The following JMJD1C variants were observed in gnomAD, a reference collection of about 807,000 sequenced individuals.
JMJD1C encodes jumonji domain-containing protein 1C.
JMJD1C carries 31 observed loss-of-function variants against 245.3 expected under a neutral mutation model. The ratio of observed to expected loss-of-function variants is 0.13; its 90% CI spans 0.09 to 0.17. JMJD1C has a LOEUF of 0.17. Ranked by LOEUF, JMJD1C falls within the 10% of genes least tolerant of loss-of-function variation. The probability of loss-of-function intolerance (pLI) is 1.00; values close to 1 mark genes in which losing one functional copy is unlikely to be tolerated. For missense variants in JMJD1C, 2,691 were observed against 3,000.2 expected, an observed-to-expected ratio of 0.90 and a Z score of 2.41; for synonymous variants, 1,057 against 1,017.4, an observed-to-expected ratio of 1.04 and a Z score of -0.74.
chr10:63,357,591 C>T (rs1056703433), intron 2 of JMJD1C, among the ~76,000 whole-genome samples: 6 of 152,092 alleles, frequency 3.9e-5, no homozygotes, highest in Admixed American at 3.3e-4. Context: ...CAGGTATGAG[C>T]CACCAAGCCC....
intron 2 of JMJD1C, among the ~76,000 whole-genome samples, chr10:63,358,377 A>G (rs1334526267): frequency 6.6e-6 from 1 of 150,532 alleles, no homozygotes; most frequent in African/African-American, 2.4e-5. Flanking sequence ...GAAATATGAC[A>G]TAACAATTTA....
At chr10:63,188,924 T>C (rs10733789) in intron 18 of JMJD1C, among the ~76,000 whole-genome samples, 41,460 of 152,102 alleles carry the variant, frequency 0.27, 5,898 homozygotes, top group Non-Finnish European at 0.32. Context: ...TCTGTTCTGA[T>C]AGATCAAAAA....
At chr10:63,211,421 G>GT (rs1354769956) in intron 8 of JMJD1C, among the ~76,000 whole-genome samples, 2 of 145,164 alleles carry the variant, frequency 1.4e-5, no homozygotes, top group Non-Finnish European at 3.0e-5. Context: ...AGCCAAGACT[G>GT]TATCACTGTA....
intron 2 of JMJD1C, among the ~76,000 whole-genome samples, chr10:63,348,458 G>A (rs1944044875): frequency 6.6e-6 from 1 of 152,116 alleles, no homozygotes; most frequent in African/African-American, 2.4e-5. Context: ...AGTTTACTTG[G>A]TTAAATATAA....
At chr10:63,456,093 A>G (rs1428441285) in intron 1 of JMJD1C, among the ~76,000 whole-genome samples, 6 of 152,106 alleles carry the variant, frequency 3.9e-5, no homozygotes, top group Non-Finnish European at 7.4e-5. Flanking sequence ...CATATAGTCT[A>G]TATTCATATT....
intron 3 of JMJD1C, among the ~76,000 whole-genome samples, chr10:63,255,682 C>CAA (rs144505795): frequency 0.022 from 3,277 of 152,246 alleles, 113 homozygotes; most frequent in African/African-American, 0.073. Context: ...TTAGACTTCT[C>CAA]AAACAGTTGT....
chr10:63,482,955 TA>T (rs1953875355), intron 1 of JMJD1C, among the ~76,000 whole-genome samples: 1 of 152,216 alleles, frequency 6.6e-6, no homozygotes, highest in African/African-American at 2.4e-5. Flanking sequence ...TTTGAAAAAT[TA>T]AATCTGTAAT....
At chr10:63,362,622 G>T (rs1445591603) in intron 2 of JMJD1C, among the ~76,000 whole-genome samples, 5 of 152,000 alleles carry the variant, frequency 3.3e-5, no homozygotes, top group Non-Finnish European at 7.4e-5. Flanking sequence ...TGGGACTACA[G>T]GTGGGCACCA....
chr10:63,393,111 A>G (rs1487969601), intron 1 of JMJD1C, among the ~76,000 whole-genome samples: 1 of 152,096 alleles, frequency 6.6e-6, no homozygotes, highest in Non-Finnish European at 1.5e-5. Context: ...TACAAAAAAT[A>G]CAAAAAATTA....
intron 2 of JMJD1C, among the ~76,000 whole-genome samples, chr10:63,341,990 A>G (rs891087434): frequency 6.6e-6 from 1 of 152,242 alleles, no homozygotes; most frequent in African/African-American, 2.4e-5. Flanking sequence ...GTGACTTGTA[A>G]CTATATTCAG....
intron 1 of JMJD1C, among the ~76,000 whole-genome samples, chr10:63,481,349 AT>A (rs1953822575): frequency 6.6e-6 from 1 of 152,222 alleles, no homozygotes; most frequent in African/African-American, 2.4e-5. Flanking sequence ...GTACAAACAC[AT>A]TTATTGCAGA....
At chr10:63,291,333 A>AAC (rs1554875310) in intron 2 of JMJD1C, among the ~76,000 whole-genome samples, 78 of 92,214 alleles carry the variant, frequency 8.5e-4, no homozygotes, top group Admixed American at 1.7e-3. Flanking sequence ...AAAAAAAAAA[A>AAC]GGGCTGGGCG....
rs373516323 is a variant in JMJD1C, at chr10:63,296,013, A to T, written c.334-31249T>A. On this transcript the variant is annotated intron_variant, in intron 2 of 25. Coordinates refer to ENST00000399262, the MANE Select transcript of JMJD1C (RefSeq NM_032776.3). ...TGTGTGTGTGTGTGTGTATATATAT[A>T]TTTTTTTTTTTTTCTTAGATGGAGT... Among the ~76,000 whole-genome samples the T allele has an allele frequency of 4.9e-3, 413 of 84,170 alleles. 22 individuals carry two copies. The highest frequency in any genetic ancestry group is 0.027 in the Middle Eastern group (4 of 146). 55.2% of individuals were successfully genotyped at this position (84,170 alleles called of 152,430 possible).
intron 1 of JMJD1C, among the ~76,000 whole-genome samples, chr10:63,493,232 G>GAACAA (rs1371346612): frequency 7.2e-6 from 1 of 139,430 alleles, no homozygotes; most frequent in African/African-American, 2.6e-5. Flanking sequence ...AAGTAGATGG[G>GAACAA]AACAAAACTG....
At chr10:63,276,204 T>C (rs555446773) in intron 2 of JMJD1C, among the ~76,000 whole-genome samples, 537 of 152,192 alleles carry the variant, frequency 3.5e-3, no homozygotes, top group Middle Eastern at 6.8e-3. Context: ...CGGTGGCTCA[T>C]ACCTGTAATC....
rs947441634 is a variant in JMJD1C, at chr10:63,341,540, C to G, written c.333+38778G>C. ...TGTTTTCGAGGAGTGAATTTCTTACCAGCCCATATTAAGCTAATGAAAAGG... is the reference window on the plus strand; with the variant it reads ...TGTTTTCGAGGAGTGAATTTCTTACGAGCCCATATTAAGCTAATGAAAAGG... On this transcript the variant is annotated intron_variant, in intron 2 of 25. Transcript: ENST00000399262. Among the ~76,000 whole-genome samples, 4 of 152,172 alleles carry G rather than the reference C, an allele frequency of 2.6e-5. No individual in the cohort carries two copies. The East Asian group carries it at 7.7e-4, about 29-fold the overall frequency.
At chr10:63,215,765 C>G (rs1021644532) in intron 5 of JMJD1C, 69 bp from the exon 6 acceptor site, 1 of 1,089,614 alleles carries the variant, frequency 9.2e-7, no homozygotes, top group Non-Finnish European at 1.3e-6. Flanking sequence ...GGTATAATTT[C>G]TTTACTCAGT....
At chr10:63,436,135 A>G (rs1951047306) in intron 1 of JMJD1C, among the ~76,000 whole-genome samples, 1 of 152,238 alleles carries the variant, frequency 6.6e-6, no homozygotes, top group Admixed American at 6.5e-5. Flanking sequence ...TTGAGAGATT[A>G]TATGAGGAGG....
chr10:63,229,509 C>A (rs1427179961), intron 3 of JMJD1C, among the ~76,000 whole-genome samples: 1 of 151,990 alleles, frequency 6.6e-6, no homozygotes, highest in Non-Finnish European at 1.5e-5. Context: ...TTCATACAAT[C>A]AAGAAGATAA....
Sources: gnomAD v4.1 joint callset for allele counts (sites outside exome capture counted in the v4.1 genomes callset) on GRCh38, gnomAD v4.1.1 for gene constraint, MANE v1.5 for transcripts, NCBI Gene and HGNC (gene_info 2026-07-23, HGNC 2026-07-21) for gene names.